PGS1: variants seen among roughly 807,000 people sequenced by gnomAD.
PGS1 encodes the protein CDP-diacylglycerol--glycerol-3-phosphate 3-phosphatidyltransferase, mitochondrial.
PGS1 carries 44 observed loss-of-function variants against 58.3 expected under a neutral mutation model. The ratio of observed to expected loss-of-function variants is 0.75; its 90% CI spans 0.59 to 0.97. PGS1 has a LOEUF of 0.97. Among genes scored for constraint, PGS1 ranks in the 50% least tolerant of loss-of-function variants. The probability of loss-of-function intolerance (pLI) is 0.00; values close to 1 mark genes in which losing one functional copy is unlikely to be tolerated. For synonymous variants in PGS1, 330 were observed against 311.0 expected, an observed-to-expected ratio of 1.06 and a Z score of -0.64; for missense variants, 684 against 731.1, an observed-to-expected ratio of 0.94 and a Z score of 0.74.
intron 4 of PGS1, 118 bp downstream of exon 4, chr17:78,398,469 A>G (rs541348605): frequency 1.1e-4 from 81 of 745,846 alleles, no homozygotes; most frequent in Non-Finnish European, 1.8e-4. Flanking sequence ...AGATCATCCA[A>G]GCTGGCCCAG....
intron 1 of PGS1, chr17:78,382,529 T>G (rs1222321351): frequency 6.6e-6 from 1 of 152,050 alleles, no homozygotes; most frequent in Non-Finnish European, 1.5e-5. Context: ...CAGGTTCCTC[T>G]AGGTGATGTG....
intron 9 of PGS1, chr17:78,420,014 A>T (rs1314097221): frequency 8.7e-7 from 1 of 1,145,856 alleles, no homozygotes; most frequent in African/African-American, 1.6e-5. Flanking sequence ...GAGGGGGCAG[A>T]AAGGCAGATT....
chr17:78,415,043 T>A lies in PGS1; in HGVS notation c.1551+16T>A, dbSNP rs1450433492. On this transcript the variant is annotated intron_variant, in intron 8 of 9. Coordinates refer to ENST00000262764, the MANE Select transcript of PGS1 (RefSeq NM_024419.5). ...GCTTCACCAGGTTGGTCGCAGCAAG[T>A]GGGATTTCCCAGGGCGCTGAGGGTG... 1 of 1,607,358 alleles carries A rather than the reference T, an allele frequency of 6.2e-7. No individual in the cohort carries two copies. The highest frequency in any genetic ancestry group is 1.4e-5 in the African/African-American group (1 of 74,036).
At position 78,424,302 on chromosome 17, in the gene PGS1, A is replaced by T; in HGVS notation, c.*252A>T. 1.0e-6 allele frequency: 1 copy of T among 995,184 alleles called. No homozygotes were observed. Among genetic ancestry groups the T allele is most frequent in the Non-Finnish European group, 1.4e-6 (1 of 699,176 alleles). 61.6% of individuals were successfully genotyped at this position (995,184 alleles called of 1,614,324 possible). A position where few individuals can be genotyped will look rare whatever the true frequency, so the allele number is the denominator to read the frequency against. On this transcript the variant is annotated 3_prime_UTR_variant, in exon 10 of 10. Coordinates refer to ENST00000262764, the MANE Select transcript of PGS1 (RefSeq NM_024419.5). ...CAGGCCAGCTGCCACGGCTGGAAGC[A>T]GAGGCCTTCGTAGGTGATGGCCTGC... is the stretch of plus-strand genomic sequence containing the variant.
At chr17:78,395,792 G>A (rs148669241) in intron 2 of PGS1, among the ~76,000 whole-genome samples, 3,584 of 152,366 alleles carry the variant, frequency 0.024, 81 homozygotes, top group Non-Finnish European at 0.032. Context: ...AGGCTGGAGT[G>A]CAGTGGTGTG....
At chr17:78,421,574 T>G (rs2085748801) in intron 9 of PGS1, 1 of 152,282 alleles carries the variant, frequency 6.6e-6, no homozygotes. Context: ...TAACACTGTT[T>G]GCCTTCCAAC....
intron 9 of PGS1, chr17:78,419,904 A>G: frequency 7.9e-7 from 1 of 1,263,446 alleles, no homozygotes; most frequent in South Asian, 1.6e-5. Context: ...ACTAAGTCCC[A>G]AGGCGCCTGT....
intron 7 of PGS1, among the ~76,000 whole-genome samples, chr17:78,413,828 A>G (rs1437308113): frequency 6.6e-6 from 1 of 152,194 alleles, no homozygotes; most frequent in Admixed American, 6.5e-5. Flanking sequence ...ACGGGGCGCA[A>G]AACTGTGCTT....
intron 3 of PGS1, 196 bp from the exon 4 acceptor site, chr17:78,398,056 C>G (rs777134804): frequency 4.6e-6 from 3 of 654,582 alleles, no homozygotes; most frequent in Non-Finnish European, 5.7e-6. Context: ...GATCAGGCCC[C>G]TGGGTGCTTC....
chr17:78,400,990 G>C lies in PGS1; in HGVS notation c.880+135G>C, dbSNP rs1410556307. On this transcript the variant is annotated intron_variant, in intron 6 of 9. Transcript: ENST00000262764. This position sits in a 1 kb window ranked among gnomAD's most constrained non-coding sequence, Gnocchi z 4.4. Reference sequence around the variant, plus strand: ...AAGGCTTCATTCTGCTTTTGTCCTTGAAGCCAGACAGATGTGACTCACTGA... The same window carrying C: ...AAGGCTTCATTCTGCTTTTGTCCTTCAAGCCAGACAGATGTGACTCACTGA... The C allele has an allele frequency of 1.4e-6, 1 of 736,248 alleles. No individual in the cohort carries two copies. Among genetic ancestry groups the C allele is most frequent in the South Asian group, 1.9e-5 (1 of 52,542 alleles). The allele number at this position is 736,248 out of a possible 1,614,324, so 45.6% of individuals were successfully genotyped here.
At chr17:78,399,874 C>A in intron 5 of PGS1, 1 of 308,044 alleles carries the variant, frequency 3.2e-6, no homozygotes, top group Non-Finnish European at 6.2e-6. Flanking sequence ...GTCAGGTAGA[C>A]AGAGCCAGAA....
intron 7 of PGS1, among the ~76,000 whole-genome samples, chr17:78,404,817 C>T (rs890896786): frequency 2.6e-5 from 4 of 152,126 alleles, no homozygotes; most frequent in African/African-American, 7.2e-5. Flanking sequence ...TGTACCACCA[C>T]GCCTGACTAA....
At chr17:78,422,098 G>T (rs1386902205) in intron 9 of PGS1, among the ~76,000 whole-genome samples, 2 of 152,226 alleles carry the variant, frequency 1.3e-5, no homozygotes, top group African/African-American at 2.4e-5. Flanking sequence ...GGATCTAAAG[G>T]CAAAATGGAA....
At chr17:78,404,966 C>T (rs950679536) in intron 7 of PGS1, among the ~76,000 whole-genome samples, 3 of 149,754 alleles carry the variant, frequency 2.0e-5, no homozygotes, top group East Asian at 2.0e-4. Flanking sequence ...GGCCCTTAGC[C>T]TTGTGTTGAT....
chr17:78,398,324 C>T lies in PGS1; in HGVS notation c.484C>T (p.Leu162Phe), dbSNP rs1454688496. The T allele has an allele frequency of 6.2e-7, 1 of 1,613,926 alleles. No individual in the cohort carries two copies. Among genetic ancestry groups the T allele is most frequent in the Non-Finnish European group, 8.5e-7 (1 of 1,179,792 alleles). Residue 162 changes from leucine to phenylalanine, a missense_variant, in exon 4 of 10, where the codon CTC becomes TTC. By Grantham distance (22) the Leu-to-Phe change is conservative. Transcript: ENST00000262764. The part of the protein sequence containing the change: ...KFPSNLKVSI[L>F]LDFTRGSRGR... ...TCCTTCAAATCTCAAGGTCTCCATTCTCTTAGACTTCACGCGGGGCTCACG... is the reference window on the plus strand; with the variant it reads ...TCCTTCAAATCTCAAGGTCTCCATTTTCTTAGACTTCACGCGGGGCTCACG...
chr17:78,419,986 G>C, intron 9 of PGS1: 1 of 1,171,134 alleles, frequency 8.5e-7, no homozygotes, highest in Non-Finnish European at 1.1e-6. Flanking sequence ...AGAAGCCCTG[G>C]GGCAAGGGCT....
At chr17:78,390,245 C>T (rs552102935) in intron 1 of PGS1, among the ~76,000 whole-genome samples, 48 of 152,150 alleles carry the variant, frequency 3.2e-4, no homozygotes, top group African/African-American at 3.1e-4. Context: ...ACCCAGGCAG[C>T]GAGCCCTGCG....
In PGS1 at chr17:78,424,515, CCTATGTGTACATACA is replaced by C. The variant is rs987329022; in HGVS notation, c.*467_*481del. 4.6e-5 allele frequency: 12 copies of C among 260,644 alleles called. No homozygotes were observed. Among genetic ancestry groups the C allele is most frequent in the African/African-American group, 1.9e-4 (9 of 46,206 alleles). The allele number at this position is 260,644 out of a possible 1,614,324, so 16.1% of individuals were successfully genotyped here. ...CTGATTCTTAATGTGTAATGTCTGC[CCTATGTGTACATACA>C]CAATATAATTATACATCTGTGCATA... On this transcript the variant is annotated 3_prime_UTR_variant, in exon 10 of 10. Transcript: ENST00000262764.
intron 6 of PGS1, among the ~76,000 whole-genome samples, chr17:78,402,870 C>G (rs1394439382): frequency 6.6e-6 from 1 of 152,150 alleles, no homozygotes; most frequent in Non-Finnish European, 1.5e-5. Context: ...TTTGTCTTGT[C>G]TGATAATAGC....
Sources: gnomAD v4.1 joint callset for allele counts (sites outside exome capture counted in the v4.1 genomes callset) on GRCh38, gnomAD v4.1.1 for gene constraint, Gnocchi (gnomAD v3.1) non-coding constraint, MANE v1.5 for transcripts, NCBI Gene and HGNC (gene_info 2026-07-23, HGNC 2026-07-21) for gene names.